The following IQANK1 variants were observed in gnomAD, a reference collection of about 807,000 sequenced individuals.
IQANK1 encodes the protein IQ motif and ankyrin repeat domain-containing protein 1.
A neutral mutation model predicts 22.6 loss-of-function variants in IQANK1; 30 were observed. That is an observed-to-expected ratio of 1.33 (90% CI 0.99 to 1.80). The LOEUF (loss-of-function observed/expected upper bound fraction) is 1.80. Ranked by LOEUF, IQANK1 falls within the 40% of genes most tolerant of loss-of-function variation. The probability of loss-of-function intolerance (pLI) is 0.00; values close to 1 mark genes in which losing one functional copy is unlikely to be tolerated. For missense variants in IQANK1, 275 were observed against 235.2 expected, an observed-to-expected ratio of 1.17 and a Z score of -1.11; for synonymous variants, 122 against 99.6, an observed-to-expected ratio of 1.23 and a Z score of -1.34.
chr8:143,742,949 C>T (rs1818953874), intron 3 of IQANK1: 1 of 456,124 alleles, frequency 2.2e-6, no homozygotes, highest in Non-Finnish European at 4.4e-6. Context: ...AGTGTCCCGG[C>T]ACAGCCTAGA....
rs1398728180 is a variant in IQANK1, at chr8:143,735,172, G to C, written c.-4-678G>C. Reference sequence around the variant, plus strand: ...CAGCATGCTGGAAACATGGGTGGGGGGTCAGACCAGTGCCCAGGCAACTGT... The same window carrying C: ...CAGCATGCTGGAAACATGGGTGGGGCGTCAGACCAGTGCCCAGGCAACTGT... On this transcript the variant is annotated intron_variant, in intron 1 of 13. Coordinates refer to ENST00000527139, the MANE Select transcript of IQANK1 (RefSeq NM_001381874.1). This position sits in a 1 kb window ranked among gnomAD's most constrained non-coding sequence, Gnocchi z 5.2. Among the ~76,000 whole-genome samples, 3 of 152,232 alleles carry C rather than the reference G, an allele frequency of 2.0e-5. No individual in the cohort carries two copies. The highest frequency in any genetic ancestry group is 7.2e-5 in the African/African-American group (3 of 41,460).
At chr8:143,751,868 G>A (rs1466205325) in intron 3 of IQANK1, among the ~76,000 whole-genome samples, 4 of 151,132 alleles carry the variant, frequency 2.6e-5, no homozygotes, top group African/African-American at 9.7e-5. Flanking sequence ...ATCTGGGAAT[G>A]TCTTATTTTC....
At chr8:143,768,981 G>C (rs1819526629) in intron 3 of IQANK1, among the ~76,000 whole-genome samples, 1 of 152,080 alleles carries the variant, frequency 6.6e-6, no homozygotes, top group Non-Finnish European at 1.5e-5. Flanking sequence ...AGGGCTACCA[G>C]ATGAAACAGG....
At chr8:143,761,310 C>G (rs997577248) in intron 3 of IQANK1, among the ~76,000 whole-genome samples, 2 of 152,226 alleles carry the variant, frequency 1.3e-5, no homozygotes, top group African/African-American at 4.8e-5. Flanking sequence ...ACGCCCGGCC[C>G]CTGCCTGCTG....
At chr8:143,744,075 G>A (rs1474605142) in intron 3 of IQANK1, 3 of 242,362 alleles carry the variant, frequency 1.2e-5, no homozygotes, top group Non-Finnish European at 2.5e-5. Flanking sequence ...CTTGTGATCC[G>A]CCCGTCTCAG....
intron 3 of IQANK1, among the ~76,000 whole-genome samples, chr8:143,749,346 C>CATATAAAATATATAAAAACAT (rs10658556): frequency 8.0e-6 from 1 of 125,060 alleles, no homozygotes; most frequent in African/African-American, 3.2e-5. Context: ...TATATAAAAA[C>CATATAAAATATATAAAAACAT]ATAAATATAT....
At chr8:143,741,291 A>G (rs1818907008) in intron 3 of IQANK1, among the ~76,000 whole-genome samples, 1 of 152,188 alleles carries the variant, frequency 6.6e-6, no homozygotes, top group Non-Finnish European at 1.5e-5. Context: ...AGACAGGACC[A>G]GGGAGCTCCA....
intron 2 of IQANK1, 93 bp from the exon 3 acceptor site, chr8:143,739,766 G>A (rs1049468428): frequency 1.0e-5 from 6 of 591,506 alleles, no homozygotes; most frequent in Non-Finnish European, 1.8e-5. Context: ...CTGCCAGGAC[G>A]CACGGCCCTT....
chr8:143,761,344 C>T (rs528683026), intron 3 of IQANK1, among the ~76,000 whole-genome samples: 5 of 152,346 alleles, frequency 3.3e-5, no homozygotes, highest in African/African-American at 1.2e-4. Context: ...AAGCTGCGCG[C>T]GGACGCGATG....
intron 3 of IQANK1, chr8:143,742,122 T>C (rs1401011836): frequency 1.7e-5 from 6 of 343,434 alleles, no homozygotes; most frequent in Non-Finnish European, 3.5e-5. Flanking sequence ...GAGCTCGGTG[T>C]TCCCTGCTCC....
At chr8:143,738,226 C>T (rs1217429655) in intron 2 of IQANK1, among the ~76,000 whole-genome samples, 1 of 152,186 alleles carries the variant, frequency 6.6e-6, no homozygotes, top group Non-Finnish European at 1.5e-5. Flanking sequence ...GACTTCGTTT[C>T]CCAGACATGG....
Position 143,760,209 on chromosome 8 carries a change from A to G in IQANK1, c.176-11279A>G, listed in dbSNP as rs560903540. Among the ~76,000 whole-genome samples, 133 of 152,320 alleles carry G rather than the reference A, an allele frequency of 8.7e-4. 2 individuals are homozygous for G. The highest frequency in any genetic ancestry group is 8.4e-3 in the Admixed American group (129 of 15,290). On this transcript the variant is annotated intron_variant, in intron 3 of 13. Coordinates refer to ENST00000527139, the MANE Select transcript of IQANK1 (RefSeq NM_001381874.1). The stretch of plus-strand genomic sequence containing the variant: ...GGAGGGCAAGTCCTGCACACCTGAG[A>G]GCCCAGGGAGCCCGGCTTTCTTGTC...
intron 3 of IQANK1, among the ~76,000 whole-genome samples, chr8:143,749,125 G>A (rs1819124112): frequency 8.3e-6 from 1 of 120,312 alleles, no homozygotes; most frequent in Non-Finnish European, 1.6e-5. Context: ...CGTATATATA[G>A]CATATATGAT....
At chr8:143,786,025 TA>T (rs1248748320) in intron 7 of IQANK1, among the ~76,000 whole-genome samples, 3 of 152,034 alleles carry the variant, frequency 2.0e-5, no homozygotes, top group Admixed American at 6.5e-5. Context: ...GTGCCTGGCC[TA>T]ATTTTTTTTA....
Position 143,740,601 on chromosome 8 carries a change from T to C in IQANK1, c.175+653T>C, listed in dbSNP as rs528449838. The stretch of plus-strand genomic sequence containing the variant: ...ACCCACGGTTCCGCCTGCTCTTCCC[T>C]GGGCTCCTCTCCGCGGAGCCGACGG... On this transcript the variant is annotated intron_variant, in intron 3 of 13. Transcript: ENST00000527139. 5.3e-5 allele frequency among the ~76,000 whole-genome samples: 8 copies of C among 152,370 alleles called. 1 individual carries two copies. The South Asian group carries it at 1.7e-3, about 32-fold the overall frequency.
chr8:143,734,785 G>A (rs1046394451), intron 1 of IQANK1, among the ~76,000 whole-genome samples: 1 of 151,754 alleles, frequency 6.6e-6, no homozygotes, highest in Non-Finnish European at 1.5e-5. Context: ...AAGCCCCAAC[G>A]GACAAGGGAC....
Position 143,748,819 on chromosome 8 carries a change from TAA to T in IQANK1, c.175+8873_175+8874del, listed in dbSNP as rs1554627607. On this transcript the variant is annotated intron_variant, in intron 3 of 13. Transcript: ENST00000527139. The stretch of plus-strand genomic sequence containing the variant: ...TATAAATATATATCATATAAATATA[TAA>T]ATATATATTTCATATATAAATATAT... Among the ~76,000 whole-genome samples, 24 of 115,706 alleles carry T rather than the reference TAA, an allele frequency of 2.1e-4. No individual in the cohort carries two copies. In the East Asian group the frequency reaches 2.3e-3, roughly 11 times the overall value. The allele number at this position is 115,706 out of a possible 152,430, so 75.9% of individuals were successfully genotyped here.
At chr8:143,740,975 A>T (rs1387451472) in intron 3 of IQANK1, among the ~76,000 whole-genome samples, 1 of 152,192 alleles carries the variant, frequency 6.6e-6, no homozygotes, top group East Asian at 1.9e-4. Context: ...GGAAGCACGG[A>T]ACACAAGCAA....
intron 1 of IQANK1, among the ~76,000 whole-genome samples, chr8:143,734,537 A>G (rs1818670631): frequency 6.8e-6 from 1 of 146,720 alleles, no homozygotes; most frequent in South Asian, 2.2e-4. Flanking sequence ...ACCAACCCCC[A>G]AGCACAGGAG....
Sources: allele counts gnomAD v4.1 joint callset (sites outside exome capture counted in the v4.1 genomes callset), GRCh38; gene constraint gnomAD v4.1.1; non-coding constraint Gnocchi (gnomAD v3.1); transcripts MANE v1.5; gene names NCBI Gene and HGNC (gene_info 2026-07-23, HGNC 2026-07-21).